The following SETD2 variants were observed in gnomAD, a reference collection of about 807,000 sequenced individuals.
The protein encoded by SETD2 is SET domain containing 2, histone lysine methyltransferase.
In SETD2, 31 loss-of-function variants were observed where a neutral mutation model predicts 242.1. The observed-to-expected ratio is 0.13, with a 90% CI of 0.10 to 0.17. The LOEUF is 0.17. Among genes scored for constraint, SETD2 ranks in the 10% least tolerant of loss-of-function variants. SETD2 has a pLI of 1.00. For synonymous variants in SETD2, 1,006 were observed against 1,066.5 expected (o/e 0.94, Z 1.11); for missense variants, 2,481 against 3,046.3 (o/e 0.81, Z 4.37).
intron 1 of SETD2, among the ~76,000 whole-genome samples, chr3:47,155,571 G>C (rs541423651): frequency 3.8e-4 from 58 of 152,306 alleles, no homozygotes; most frequent in African/African-American, 1.3e-3. Flanking sequence ...CCAGCACTTT[G>C]GGAGACTGAG....
In SETD2 at chr3:47,056,951, T is replaced by C. The variant is rs1205573489; in HGVS notation, c.6833A>G (p.Gln2278Arg). 1.9e-6 allele frequency: 3 copies of C among 1,614,276 alleles called. No homozygotes were observed. Among genetic ancestry groups the C allele is most frequent in the East Asian group, 2.2e-5 (1 of 44,888 alleles). ...GTACTGCTGCTGTACACTGACAGAC[T>C]GTTGGTTTGAATCCCAAACACTATA... Reference protein sequence around the residue: ...QNYSVWDSNQQSVSVQQQYSP... With the variant: ...QNYSVWDSNQRSVSVQQQYSP... Residue 2278 changes from glutamine (Q) to arginine (R), a missense_variant, in exon 15 of 21, where the codon CAG becomes CGG. Gln to Arg is a conservative substitution (Grantham distance 43, BLOSUM62 1). Around this residue, in one of 17 missense-constraint regions of SETD2, gnomAD observed 235 missense variants for 293.9 expected, o/e 0.80. Coordinates refer to ENST00000409792, the MANE Select transcript of SETD2 (RefSeq NM_014159.7).
intron 12 of SETD2, among the ~76,000 whole-genome samples, chr3:47,074,794 G>C (rs1283721348): frequency 6.6e-6 from 1 of 152,168 alleles, no homozygotes; most frequent in African/African-American, 2.4e-5. Context: ...TGTAATTTTA[G>C]AGGTTCTAAA....
intron 1 of SETD2, among the ~76,000 whole-genome samples, chr3:47,134,374 T>C (rs571571961): frequency 8.5e-5 from 13 of 152,324 alleles, no homozygotes; most frequent in African/African-American, 3.1e-4. Context: ...TCTAGAAATA[T>C]GCATCAGGCA....
chr3:47,115,082 T>C (rs758275322), intron 4 of SETD2, among the ~76,000 whole-genome samples: 2 of 152,020 alleles, frequency 1.3e-5, no homozygotes, highest in Admixed American at 6.6e-5. Context: ...AGGATATGCA[T>C]AAAGAAAGCT....
chr3:47,043,283 A>G (rs2107541653), intron 16 of SETD2, among the ~76,000 whole-genome samples: 1 of 152,320 alleles, frequency 6.6e-6, no homozygotes, highest in Non-Finnish European at 1.5e-5. Flanking sequence ...AGAGCTAATT[A>G]AGATTAATGA....
intron 1 of SETD2, among the ~76,000 whole-genome samples, chr3:47,151,734 G>T (rs2043989189): frequency 6.6e-6 from 1 of 151,032 alleles, no homozygotes; most frequent in Non-Finnish European, 1.5e-5. Flanking sequence ...GGCTGAGGCA[G>T]GAGAATTACT....
intron 10 of SETD2, among the ~76,000 whole-genome samples, chr3:47,086,823 CAGG>C (rs1223095515): frequency 6.6e-6 from 1 of 151,354 alleles, no homozygotes; most frequent in African/African-American, 2.4e-5. Context: ...TGGTTGAGGC[CAGG>C]AGTTCAAAAC....
chr3:47,163,912 G>T lies in SETD2; in HGVS notation c.13C>A (p.Gln5Lys). Residue 5 changes from glutamine to lysine, a missense_variant, in exon 1 of 21, where the codon CAG becomes AAG. This residue lies in a region of SETD2 where 334 missense variants were observed against 374.5 expected (regional missense o/e 0.89). Coordinates refer to ENST00000409792, the MANE Select transcript of SETD2 (RefSeq NM_014159.7). Reference protein sequence around the residue: MKQLQPQPPPKMGDF... With the variant: MKQLKPQPPPKMGDF... The stretch of plus-strand genomic sequence containing the variant: ...CCCATCTTCGGAGGCGGCTGCGGCT[G>T]CAGCTGCTTCATCGGGAGCGGCTGG... 1 of 1,312,870 alleles carries T rather than the reference G, an allele frequency of 7.6e-7. No individual in the cohort carries two copies. Among genetic ancestry groups the T allele is most frequent in the Non-Finnish European group, 9.7e-7 (1 of 1,025,880 alleles). 81.3% of individuals were successfully genotyped at this position (1,312,870 alleles called of 1,614,324 possible). A position where few individuals can be genotyped will look rare whatever the true frequency, so the allele number is the denominator to read the frequency against.
In SETD2 at chr3:47,032,650, A is replaced by G. The variant is rs983115617; in HGVS notation, c.7350+5016T>C. On this transcript the variant is annotated intron_variant, in intron 18 of 20. Coordinates refer to ENST00000409792, the MANE Select transcript of SETD2 (RefSeq NM_014159.7). Reference sequence around the variant, plus strand: ...AATAAAGCTGGGCACGGTGGCTCACACCTATAATCCCGGCACTTTAGGAGG... The same window carrying G: ...AATAAAGCTGGGCACGGTGGCTCACGCCTATAATCCCGGCACTTTAGGAGG... Among the ~76,000 whole-genome samples the G allele has an allele frequency of 8.5e-5, 13 of 152,262 alleles. No homozygotes were observed. In the South Asian group the frequency reaches 1.0e-3, roughly 12 times the overall value.
At chr3:47,126,704 A>T (rs1297374372) in intron 1 of SETD2, 41 bp from the exon 2 acceptor site, 1 of 1,172,758 alleles carries the variant, frequency 8.5e-7, no homozygotes, top group Admixed American at 2.2e-5. Context: ...AAGAATAAAA[A>T]GAAATCATAA....
At chr3:47,072,639 G>A (rs573178472) in intron 12 of SETD2, among the ~76,000 whole-genome samples, 8 of 151,926 alleles carry the variant, frequency 5.3e-5, no homozygotes, top group Non-Finnish European at 7.4e-5. Flanking sequence ...GCAAGACCTC[G>A]TCTCTAGAAA....
At chr3:47,127,523 T>C in intron 1 of SETD2, 1 of 446,940 alleles carries the variant, frequency 2.2e-6, no homozygotes, top group Admixed American at 2.4e-5. Flanking sequence ...AGTTCAGGAG[T>C]TCGAGACCAC....
At chr3:47,026,605 C>T (rs2038490995) in intron 18 of SETD2, among the ~76,000 whole-genome samples, 1 of 148,944 alleles carries the variant, frequency 6.7e-6, no homozygotes, top group Admixed American at 6.8e-5. Flanking sequence ...ATATATACAC[C>T]ATGGAACACT....
intron 14 of SETD2, among the ~76,000 whole-genome samples, chr3:47,059,806 A>T (rs1317611891): frequency 6.6e-6 from 1 of 151,244 alleles, no homozygotes; most frequent in Non-Finnish European, 1.5e-5. Flanking sequence ...TTATTTTTTC[A>T]GACAGTCTTT....
At chr3:47,038,133 C>A (rs2039105891) in intron 17 of SETD2, among the ~76,000 whole-genome samples, 2 of 152,172 alleles carry the variant, frequency 1.3e-5, no homozygotes, top group African/African-American at 2.4e-5. Context: ...GCCTATGTCA[C>A]CCCTCTGTAG....
At chr3:47,068,961 A>AT (rs2040694316) in intron 12 of SETD2, among the ~76,000 whole-genome samples, 1 of 150,762 alleles carries the variant, frequency 6.6e-6, no homozygotes, top group Non-Finnish European at 1.5e-5. Context: ...TGCTTGGCTA[A>AT]TTTTTGTATT....
chr3:47,078,267 A>G (rs1481808723), intron 12 of SETD2, among the ~76,000 whole-genome samples: 4 of 152,226 alleles, frequency 2.6e-5, no homozygotes, highest in African/African-American at 9.6e-5. Flanking sequence ...TGACAATGCT[A>G]GTAATGGGAC....
At chr3:47,056,103 TTTATTTA>T (rs2040068350) in intron 15 of SETD2, among the ~76,000 whole-genome samples, 1 of 97,250 alleles carries the variant, frequency 1.0e-5, no homozygotes, top group African/African-American at 3.3e-5. Context: ...TTTTTATTTA[TTTATTTA>T]TTTATTTATT....
chr3:47,049,822 T>C (rs1162794016), intron 15 of SETD2, among the ~76,000 whole-genome samples: 1 of 145,746 alleles, frequency 6.9e-6, no homozygotes, highest in Non-Finnish European at 1.5e-5. Flanking sequence ...ATATATTATA[T>C]ATATAAACTT....
Sources: gnomAD v4.1 joint callset for allele counts (sites outside exome capture counted in the v4.1 genomes callset) on GRCh38, gnomAD v4.1.1 for gene constraint, gnomAD v4.1.1 regional missense constraint, MANE v1.5 for transcripts, NCBI Gene and HGNC (gene_info 2026-07-23, HGNC 2026-07-21) for gene names.